The following SYNPR variants were observed in gnomAD, a reference collection of about 807,000 sequenced individuals.
SYNPR encodes the protein synaptoporin.
A neutral mutation model predicts 32.9 loss-of-function variants in SYNPR; 23 were observed. The ratio of observed to expected loss-of-function variants is 0.70; its 90% confidence interval spans 0.50 to 0.99. The LOEUF (loss-of-function observed/expected upper bound fraction) is 0.99, where lower values mean the gene tolerates loss of function less well. Ranked by LOEUF, SYNPR falls within the 50% of genes least tolerant of loss-of-function variation. The pLI, the probability that SYNPR is intolerant of heterozygous loss-of-function variation, is 0.00. For missense variants in SYNPR, 318 were observed against 349.3 expected (o/e 0.91, Z 0.71); for synonymous variants, 146 against 135.9 (o/e 1.07, Z -0.52).
chr3:63,273,626 G>A (rs1003811302), upstream of SYNPR, among the ~76,000 whole-genome samples: 1 of 152,160 alleles, frequency 6.6e-6, no homozygotes, highest in African/African-American at 2.4e-5. Context: ...AAACAAATAT[G>A]GAAACAGAAA....
At chr3:63,325,661 C>A (rs570551837) in intron 2 of SYNPR, among the ~76,000 whole-genome samples, 32 of 152,126 alleles carry the variant, frequency 2.1e-4, no homozygotes, top group Middle Eastern at 3.4e-3. Context: ...GGAGACTGAG[C>A]AAATTCCCAG....
chr3:63,442,088 G>A (rs1362985703), intron 2 of SYNPR, among the ~76,000 whole-genome samples: 1 of 152,018 alleles, frequency 6.6e-6, no homozygotes, highest in Non-Finnish European at 1.5e-5. Flanking sequence ...TATCCACCAA[G>A]TTGTTACTGT....
rs533892879 is a variant in SYNPR at position 63,479,343 on chromosome 3, A to G, written c.85-1489A>G. ...TGTTCTAAATTCTTTCCACATATTAACACATTTTACTCTTACTACAATCCT... is the reference window on the plus strand; with the variant it reads ...TGTTCTAAATTCTTTCCACATATTAGCACATTTTACTCTTACTACAATCCT... On this transcript the variant is annotated intron_variant, in intron 2 of 5. Transcript: ENST00000478300. 1.2e-3 allele frequency among the ~76,000 whole-genome samples: 182 copies of G among 152,226 alleles called. 1 individual carries two copies. The highest frequency in any genetic ancestry group is 4.2e-3 in the African/African-American group (176 of 41,528).
chr3:63,400,585 G>A (rs1347590596), intron 2 of SYNPR, among the ~76,000 whole-genome samples: 1 of 152,202 alleles, frequency 6.6e-6, no homozygotes, highest in Non-Finnish European at 1.5e-5. Flanking sequence ...AGATCAAGGA[G>A]GAAGCCACAG....
At chr3:63,335,352 CAAAAA>C (rs35394118) in intron 2 of SYNPR, among the ~76,000 whole-genome samples, 1 of 84,954 alleles carries the variant, frequency 1.2e-5, no homozygotes, top group African/African-American at 4.9e-5. Flanking sequence ...GACTCCGTCT[CAAAAA>C]AAAAAAAAAA....
chr3:63,593,566 T>G (rs1031420533), intron 4 of SYNPR, among the ~76,000 whole-genome samples: 8 of 152,104 alleles, frequency 5.3e-5, no homozygotes, highest in Non-Finnish European at 1.2e-4. Context: ...CACCACAGAT[T>G]AATTGATAAA....
At chr3:63,592,460 T>A (rs911934837) in intron 4 of SYNPR, among the ~76,000 whole-genome samples, 1 of 151,846 alleles carries the variant, frequency 6.6e-6, no homozygotes, top group Non-Finnish European at 1.5e-5. Context: ...GAGGATACAA[T>A]AAAATCAGAA....
chr3:63,383,443 G>T (rs540533270), intron 2 of SYNPR, among the ~76,000 whole-genome samples: 5 of 151,986 alleles, frequency 3.3e-5, no homozygotes, highest in South Asian at 4.2e-4. Flanking sequence ...AGGACCAGGC[G>T]CAGTGGCTCA....
rs1467143849 is a variant in SYNPR at position 63,616,290 on chromosome 3, CT to C, written c.*810del. The C allele has an allele frequency of 6.6e-6, 1 of 152,134 alleles. No homozygotes were observed. Among genetic ancestry groups the C allele is most frequent in the Non-Finnish European group, 1.5e-5 (1 of 68,022 alleles). The allele number at this position is 152,134 out of a possible 1,614,324, so 9.4% of individuals were successfully genotyped here. A position where few individuals can be genotyped will look rare whatever the true frequency, so the allele number is the denominator to read the frequency against. On this transcript the variant is annotated 3_prime_UTR_variant, in exon 6 of 6. Coordinates refer to ENST00000478300, the MANE Select transcript of SYNPR (RefSeq NM_001130003.2). ...TAAATATTTGCATTCTTGTAACCTTCTATGGTGTTTTGTGGCTCTTATCTTG... is the reference window on the plus strand; with the variant it reads ...TAAATATTTGCATTCTTGTAACCTTCATGGTGTTTTGTGGCTCTTATCTTG...
At chr3:63,347,322 A>G (rs2087450328) in intron 2 of SYNPR, among the ~76,000 whole-genome samples, 1 of 152,202 alleles carries the variant, frequency 6.6e-6, no homozygotes, top group African/African-American at 2.4e-5. Flanking sequence ...GTTGCTATTG[A>G]TAAATTCTAG....
chr3:63,346,327 T>A (rs2087436842), intron 2 of SYNPR, among the ~76,000 whole-genome samples: 1 of 152,188 alleles, frequency 6.6e-6, no homozygotes, highest in Admixed American at 6.5e-5. Flanking sequence ...TTTGGTAGAT[T>A]TATGTTTATA....
At chr3:63,452,042 T>G in intron 2 of SYNPR, 1 of 701,074 alleles carries the variant, frequency 1.4e-6, no homozygotes, top group East Asian at 2.7e-5. Context: ...ATAATTTTTT[T>G]CTCTTTCTCC....
At chr3:63,580,173 T>C (rs901355889) in intron 4 of SYNPR, among the ~76,000 whole-genome samples, 11 of 152,124 alleles carry the variant, frequency 7.2e-5, no homozygotes, top group African/African-American at 1.9e-4. Context: ...CACTGTAGAA[T>C]AGAACTCAGA....
At chr3:63,342,107 G>T (rs1353979913) in intron 2 of SYNPR, among the ~76,000 whole-genome samples, 1 of 152,128 alleles carries the variant, frequency 6.6e-6, no homozygotes. Flanking sequence ...AGCACCATTT[G>T]TTGAAAACAC....
At chr3:63,236,580 C>T (rs748939221) in intron 1 of SYNPR, among the ~76,000 whole-genome samples, 6 of 152,062 alleles carry the variant, frequency 3.9e-5, no homozygotes, top group Non-Finnish European at 8.8e-5. Flanking sequence ...TCAGTATACA[C>T]ATCCTGTACA....
chr3:63,434,701 C>T (rs1411663008), intron 2 of SYNPR, among the ~76,000 whole-genome samples: 1 of 152,170 alleles, frequency 6.6e-6, no homozygotes, highest in African/African-American at 2.4e-5. Context: ...TGGTTCCATA[C>T]CAGGCTTTAA....
intron 4 of SYNPR, among the ~76,000 whole-genome samples, chr3:63,595,731 ATATATATATAT>A (rs1699925798): frequency 3.9e-5 from 1 of 25,840 alleles, no homozygotes; most frequent in South Asian, 1.6e-3. Context: ...ATATATATAT[ATATATATATAT>A]ATATATATAT....
At chr3:63,581,676 C>T (rs1321157176) in intron 4 of SYNPR, among the ~76,000 whole-genome samples, 1 of 151,982 alleles carries the variant, frequency 6.6e-6, no homozygotes, top group African/African-American at 2.4e-5. Flanking sequence ...TTGTACAACA[C>T]GGTCCTAAAT....
intron 4 of SYNPR, among the ~76,000 whole-genome samples, chr3:63,605,773 G>A (rs767845312): frequency 2.3e-4 from 35 of 152,168 alleles, no homozygotes; most frequent in Non-Finnish European, 4.6e-4. Flanking sequence ...AGAAGAAGGA[G>A]CCATGTGGGT....
Sources: gnomAD v4.1 joint callset for allele counts (sites outside exome capture counted in the v4.1 genomes callset) on GRCh38, gnomAD v4.1.1 for gene constraint, MANE v1.5 for transcripts, NCBI Gene and HGNC (gene_info 2026-07-23, HGNC 2026-07-21) for gene names.